Variants in VCL observed in about 807,000 individuals in gnomAD.
The protein encoded by VCL is epididymis luminal protein 114.
In VCL, 47 loss-of-function variants were observed where a neutral mutation model predicts 125.7. That is an observed-to-expected ratio of 0.37 (90% confidence interval 0.30 to 0.48). The LOEUF (loss-of-function observed/expected upper bound fraction) is 0.48. VCL is among the 20% of genes least tolerant of loss of function. The pLI is 0.99. For synonymous variants in VCL, 458 were observed against 514.6 expected, an observed-to-expected ratio of 0.89 and a Z score of 1.49; for missense variants, 1,069 against 1,455.5, an observed-to-expected ratio of 0.73 and a Z score of 4.32.
At position 74,118,765 on chromosome 10, in the gene VCL, A is replaced by C. The variant is rs1840350792; in HGVS notation, c.*596A>C. On this transcript the variant is annotated 3_prime_UTR_variant, in exon 22 of 22. Transcript: ENST00000211998. ...CCCCAGCATATGGGGGCCTGGATTC[A>C]TTTCCTGCCCTTCCTCAGTTTAATC... is the stretch of plus-strand genomic sequence containing the variant. 6.0e-6 allele frequency: 1 copy of C among 165,636 alleles called. No individual in the cohort carries two copies. The highest frequency in any genetic ancestry group is 2.4e-5 in the African/African-American group (1 of 41,608). The allele number at this position is 165,636 out of a possible 1,614,324, so 10.3% of individuals were successfully genotyped here. A position where few individuals can be genotyped will look rare whatever the true frequency, so the allele number is the denominator to read the frequency against.
intron 10 of VCL, among the ~76,000 whole-genome samples, chr10:74,093,325 C>T (rs926523333): frequency 6.6e-6 from 1 of 152,000 alleles, no homozygotes; most frequent in Non-Finnish European, 1.5e-5. Flanking sequence ...AAAAGTGTGG[C>T]GACTCTGAAG....
At chr10:74,077,665 C>G (rs1180178976) in intron 6 of VCL, 1 of 448,392 alleles carries the variant, frequency 2.2e-6, no homozygotes, top group South Asian at 1.6e-5. Flanking sequence ...TTAACTTTGT[C>G]TTACCATACT....
At chr10:74,107,394 T>C in intron 17 of VCL, 40 bp downstream of exon 17, 1 of 1,613,992 alleles carries the variant, frequency 6.2e-7, no homozygotes, top group Non-Finnish European at 8.5e-7. Context: ...AGCAGGAAGG[T>C]GTTGAGACTT....
chr10:74,053,545 A>C (rs1434957747), intron 2 of VCL, among the ~76,000 whole-genome samples: 4 of 151,824 alleles, frequency 2.6e-5, no homozygotes, highest in African/African-American at 9.7e-5. Flanking sequence ...TTTATTATTT[A>C]CTTTTCTCAA....
intron 1 of VCL, among the ~76,000 whole-genome samples, chr10:74,028,255 T>G (rs1462061211): frequency 1.3e-5 from 2 of 152,034 alleles, no homozygotes; most frequent in African/African-American, 2.4e-5. Context: ...TTTTATTTTT[T>G]TTATTTTTTG....
rs537464950 is a variant in VCL at position 74,040,474 on chromosome 10, T to A, written c.169-2609T>A. On this transcript the variant is annotated intron_variant, in intron 1 of 21. Transcript: ENST00000211998. ...AAAAGGAATCTCTCTGTGTCTTAAA[T>A]GTGAATATCTTTCTAGGCCCTTTAT... 4.6e-5 allele frequency among the ~76,000 whole-genome samples: 7 copies of A among 152,352 alleles called. No individual in the cohort carries two copies. The East Asian group carries it at 1.3e-3, about 29-fold the overall frequency.
At chr10:74,117,423 G>A (rs889557895) in intron 21 of VCL, among the ~76,000 whole-genome samples, 1 of 152,230 alleles carries the variant, frequency 6.6e-6, no homozygotes. Flanking sequence ...GGGAGGCTGA[G>A]GTGGGCAGAT....
At chr10:74,036,945 C>G (rs536991883) in intron 1 of VCL, among the ~76,000 whole-genome samples, 1 of 150,278 alleles carries the variant, frequency 6.7e-6, no homozygotes, top group East Asian at 2.0e-4. Flanking sequence ...GAGTCTCGCT[C>G]TGTCACCCAG....
At position 74,111,951 on chromosome 10, in the gene VCL, G is replaced by A; in HGVS notation, c.2788G>A (p.Glu930Lys). The A allele has an allele frequency of 3.1e-6, 5 of 1,614,232 alleles. No individual in the cohort carries two copies. Among genetic ancestry groups the A allele is most frequent in the Non-Finnish European group, 4.2e-6 (5 of 1,180,032 alleles). Residue 930 changes from glutamate (E) to lysine (K), a missense_variant, in exon 19 of 22, where the codon GAG becomes AAG. Glu to Lys is a moderately conservative substitution (Grantham distance 56). This residue lies in a region of VCL where 86 missense variants were observed against 91.0 expected (regional missense o/e 0.95). Transcript: ENST00000211998. Reference protein sequence around the residue: ...AAEVGIGVVAEADAADAAGFP... With the variant: ...AAEVGIGVVAKADAADAAGFP... ...TGAGGTGGGTATAGGTGTTGTAGCT[G>A]AGGCAGATGCGGCCGATGCTGCTGG...
chr10:74,041,896 C>G (rs984909680), intron 1 of VCL, among the ~76,000 whole-genome samples: 1 of 152,200 alleles, frequency 6.6e-6, no homozygotes, highest in African/African-American at 2.4e-5. Context: ...GAGTGAGACT[C>G]TATTTCAAAA....
intron 18 of VCL, among the ~76,000 whole-genome samples, chr10:74,109,871 T>G (rs1469309021): frequency 6.6e-6 from 1 of 152,234 alleles, no homozygotes; most frequent in Non-Finnish European, 1.5e-5. Context: ...AGTTCTAAAC[T>G]GTTTCTAATA....
chr10:74,041,123 G>A (rs1313093645), intron 1 of VCL, among the ~76,000 whole-genome samples: 3 of 152,150 alleles, frequency 2.0e-5, no homozygotes, highest in African/African-American at 7.2e-5. Flanking sequence ...TGCTGGGAAT[G>A]ATAAGTGTGC....
intron 2 of VCL, among the ~76,000 whole-genome samples, chr10:74,067,324 C>T (rs1841585838): frequency 6.6e-6 from 1 of 151,262 alleles, no homozygotes; most frequent in African/African-American, 2.4e-5. Context: ...TAAGGAATTG[C>T]AAATCAAAGC....
chr10:74,007,784 C>A (rs1426703852), intron 1 of VCL, among the ~76,000 whole-genome samples: 1 of 152,144 alleles, frequency 6.6e-6, no homozygotes, highest in African/African-American at 2.4e-5. Context: ...GCATGAGCCG[C>A]TGCGCTCAGC....
intron 2 of VCL, among the ~76,000 whole-genome samples, chr10:74,065,223 G>A (rs191273980): frequency 1.3e-4 from 19 of 147,700 alleles, no homozygotes; most frequent in Admixed American, 6.8e-4. Flanking sequence ...TGCAACCTCC[G>A]CCTCCCAGGT....
chr10:74,026,360 A>C (rs942493873), intron 1 of VCL, among the ~76,000 whole-genome samples: 1 of 152,170 alleles, frequency 6.6e-6, no homozygotes, highest in Non-Finnish European at 1.5e-5. Context: ...ACCCTCACCA[A>C]CTGCCTAAAT....
chr10:74,084,485 G>A (rs1839735650), intron 8 of VCL, among the ~76,000 whole-genome samples: 1 of 151,374 alleles, frequency 6.6e-6, no homozygotes, highest in Admixed American at 6.6e-5. Flanking sequence ...TAGAGACAGG[G>A]TTTTACCTTG....
intron 1 of VCL, among the ~76,000 whole-genome samples, chr10:74,016,607 T>A (rs2136230310): frequency 6.6e-6 from 1 of 152,264 alleles, no homozygotes; most frequent in Middle Eastern, 3.4e-3. Flanking sequence ...AAAAATCTGG[T>A]GAAATGTGAG....
chr10:74,026,910 C>T (rs935648182), intron 1 of VCL, among the ~76,000 whole-genome samples: 1 of 152,108 alleles, frequency 6.6e-6, no homozygotes, highest in Non-Finnish European at 1.5e-5. Flanking sequence ...TTCAAAAATT[C>T]GTTTACAAGT....
Sources: gnomAD v4.1 joint callset for allele counts (sites outside exome capture counted in the v4.1 genomes callset) on GRCh38, gnomAD v4.1.1 for gene constraint, gnomAD v4.1.1 regional missense constraint, MANE v1.5 for transcripts, NCBI Gene and HGNC (gene_info 2026-07-23, HGNC 2026-07-21) for gene names.